CNTN6: variants seen among roughly 807,000 people sequenced by gnomAD.
The protein encoded by CNTN6 is contactin 6.
A neutral mutation model predicts 122.8 loss-of-function variants in CNTN6; 137 were observed. The observed-to-expected ratio is 1.12, with a 90% CI of 0.97 to 1.29. The LOEUF (loss-of-function observed/expected upper bound fraction) is 1.29, where lower values mean the gene tolerates loss of function less well. CNTN6 is among the 50% of genes most tolerant of loss of function. CNTN6 has a pLI of 0.00. For missense variants in CNTN6, 1,634 were observed against 1,223.4 expected, an observed-to-expected ratio of 1.34 and a Z score of -5.01; for synonymous variants, 570 against 426.0, an observed-to-expected ratio of 1.34 and a Z score of -4.16.
chr3:1,227,608 T>C (rs1490264956), intron 3 of CNTN6, among the ~76,000 whole-genome samples: 1 of 152,200 alleles, frequency 6.6e-6, no homozygotes, highest in Non-Finnish European at 1.5e-5. Context: ...ATGTAACTTA[T>C]AAAGAGTACA....
chr3:1,266,438 T>A (rs1239059411), intron 4 of CNTN6, among the ~76,000 whole-genome samples: 2 of 152,122 alleles, frequency 1.3e-5, no homozygotes, highest in Admixed American at 6.5e-5. Context: ...AGGATAAAAA[T>A]CTCTGGTAAA....
chr3:1,282,978 ACT>A (rs759521046), intron 5 of CNTN6, among the ~76,000 whole-genome samples: 9 of 151,276 alleles, frequency 5.9e-5, no homozygotes, highest in Non-Finnish European at 1.2e-4. Flanking sequence ...ACAACACAAA[ACT>A]CTTTTTTTTT....
At chr3:1,348,606 A>C (rs962260855) in intron 11 of CNTN6, among the ~76,000 whole-genome samples, 1 of 152,078 alleles carries the variant, frequency 6.6e-6, no homozygotes, top group Non-Finnish European at 1.5e-5. Flanking sequence ...ACATATGTAC[A>C]TGCACATATA....
chr3:1,381,626 C>T (rs1691906378), intron 17 of CNTN6, among the ~76,000 whole-genome samples: 2 of 152,190 alleles, frequency 1.3e-5, no homozygotes, highest in Non-Finnish European at 2.9e-5. Context: ...AATAGTCTCT[C>T]ATGCTTATGC....
At chr3:1,391,784 A>G (rs543862414) in intron 20 of CNTN6, among the ~76,000 whole-genome samples, 2,460 of 150,378 alleles carry the variant, frequency 0.016, 20 homozygotes, top group Non-Finnish European at 0.026. Flanking sequence ...GAGCCAAATC[A>G]TGAGTGAACT....
chr3:1,216,899 C>T (rs930501297), intron 2 of CNTN6, among the ~76,000 whole-genome samples: 3 of 152,082 alleles, frequency 2.0e-5, no homozygotes, highest in African/African-American at 4.8e-5. Flanking sequence ...TCTCTTAAGA[C>T]AGATGTTAAA....
chr3:1,379,652 C>G (rs1710374190), intron 17 of CNTN6, among the ~76,000 whole-genome samples: 1 of 151,998 alleles, frequency 6.6e-6, no homozygotes. Flanking sequence ...AAAAATTAAA[C>G]TAAATTAAAG....
intron 8 of CNTN6, among the ~76,000 whole-genome samples, chr3:1,324,032 A>G (rs1457136265): frequency 6.7e-6 from 1 of 149,774 alleles, no homozygotes; most frequent in African/African-American, 2.5e-5. Flanking sequence ...TTCTAAACAA[A>G]TACTTATGAA....
chr3:1,095,192 G>A lies in CNTN6; in HGVS notation c.-83+2072G>A, dbSNP rs2090457416. 2.0e-5 allele frequency among the ~76,000 whole-genome samples: 3 copies of A among 151,952 alleles called. No homozygotes were observed. In the South Asian group the frequency reaches 6.2e-4, roughly 31 times the overall value. Reference sequence around the variant, plus strand: ...CACTTAAAAAAAAACAGAAATATTGGCCGCGCGCGGTGGTTCACACCTATA... The same window carrying A: ...CACTTAAAAAAAAACAGAAATATTGACCGCGCGCGGTGGTTCACACCTATA... On this transcript the variant is annotated intron_variant, in intron 1 of 22. Transcript: ENST00000446702.
At chr3:1,287,241 T>C (rs1694506658) in intron 5 of CNTN6, among the ~76,000 whole-genome samples, 1 of 152,144 alleles carries the variant, frequency 6.6e-6, no homozygotes, top group African/African-American at 2.4e-5. Flanking sequence ...CGGGAGTAAT[T>C]CTTTATTGGA....
intron 2 of CNTN6, among the ~76,000 whole-genome samples, chr3:1,176,445 G>C: frequency 6.6e-6 from 1 of 152,290 alleles, no homozygotes; most frequent in South Asian, 2.1e-4. Flanking sequence ...GAGGCTGTTT[G>C]ATTCAACCTG....
At chr3:1,252,066 C>G (rs1387332771) in intron 4 of CNTN6, among the ~76,000 whole-genome samples, 3 of 152,190 alleles carry the variant, frequency 2.0e-5, no homozygotes, top group Non-Finnish European at 4.4e-5. Context: ...TTTTTCCAAT[C>G]CCATCTATCA....
chr3:1,386,047 T>C (rs937556950), intron 20 of CNTN6, among the ~76,000 whole-genome samples: 1 of 152,238 alleles, frequency 6.6e-6, no homozygotes, highest in Non-Finnish European at 1.5e-5. Flanking sequence ...GAGCATAATG[T>C]TTAAGACTGG....
At chr3:1,300,557 AAAAGAAAGAAAGAAAG>A (rs202226482) in intron 7 of CNTN6, among the ~76,000 whole-genome samples, 10,082 of 107,134 alleles carry the variant, frequency 0.094, 474 homozygotes, top group East Asian at 0.25. Flanking sequence ...AAGAGAAAGA[AAAAGAAAGAAAGAAAG>A]AAAGAAAGAA....
chr3:1,231,801 C>A (rs2094355471), intron 4 of CNTN6, among the ~76,000 whole-genome samples: 1 of 152,158 alleles, frequency 6.6e-6, no homozygotes, highest in South Asian at 2.1e-4. Flanking sequence ...TCTCTTTCTT[C>A]CCCAACCCAA....
intron 4 of CNTN6, among the ~76,000 whole-genome samples, chr3:1,240,711 AAAAAAAAAG>A (rs1197700795): frequency 5.3e-5 from 8 of 151,874 alleles, no homozygotes; most frequent in East Asian, 3.9e-4. Flanking sequence ...TATACTAAAA[AAAAAAAAAG>A]AAAAAAAAGA....
chr3:1,295,492 C>T, intron 5 of CNTN6, 109 bp from the exon 6 acceptor site: 1 of 859,184 alleles, frequency 1.2e-6, no homozygotes, highest in Admixed American at 2.5e-5. Context: ...AATAGAGGCA[C>T]AATTTTCTCC....
chr3:1,356,417 A>C (rs1706564967), intron 12 of CNTN6, among the ~76,000 whole-genome samples: 1 of 151,848 alleles, frequency 6.6e-6, no homozygotes, highest in Admixed American at 6.6e-5. Flanking sequence ...AGTCTTTATT[A>C]TACCAGCATT....
intron 2 of CNTN6, among the ~76,000 whole-genome samples, chr3:1,150,813 G>C (rs1203323418): frequency 6.6e-6 from 1 of 152,122 alleles, no homozygotes; most frequent in Non-Finnish European, 1.5e-5. Context: ...TCTTCAGATG[G>C]GGAGATTAAA....
Sources: gnomAD v4.1 joint callset for allele counts (sites outside exome capture counted in the v4.1 genomes callset) on GRCh38, gnomAD v4.1.1 for gene constraint, MANE v1.5 for transcripts, NCBI Gene and HGNC (gene_info 2026-07-23, HGNC 2026-07-21) for gene names.